Variants in PARD3 observed in about 807,000 individuals in gnomAD.
The protein encoded by PARD3 is par-3 family cell polarity regulator.
A neutral mutation model predicts 155.4 loss-of-function variants in PARD3; 75 were observed. That is an observed-to-expected ratio of 0.48 (90% CI 0.40 to 0.58). The LOEUF (loss-of-function observed/expected upper bound fraction) is 0.58, where lower values mean the gene tolerates loss of function less well. Ranked by LOEUF, PARD3 falls within the 20% of genes least tolerant of loss-of-function variation. The pLI is 0.00. For missense variants in PARD3, 1,642 were observed against 1,721.7 expected, an observed-to-expected ratio of 0.95 and a Z score of 0.82; for synonymous variants, 576 against 610.5, an observed-to-expected ratio of 0.94 and a Z score of 0.83.
In PARD3 at chr10:34,221,544, AC is replaced by A. The variant is rs552781229; in HGVS notation, c.3419+48112del. ...TTTGTGGTGAGAATACTTAAAATCT[AC>A]TCTCTTAGCAATCAGAACTTGCTCT... On this transcript the variant is annotated intron_variant, in intron 22 of 24. Coordinates refer to ENST00000374788, the MANE Select transcript of PARD3 (RefSeq NM_001184785.2). 2.6e-3 allele frequency among the ~76,000 whole-genome samples: 401 copies of A among 151,988 alleles called. 7 individuals carry two copies. Among genetic ancestry groups the A allele is most frequent in the Admixed American group, 0.021 (315 of 15,252 alleles).
intron 22 of PARD3, among the ~76,000 whole-genome samples, chr10:34,186,379 AACCC>A (rs1950497275): frequency 6.8e-6 from 1 of 146,224 alleles, no homozygotes; most frequent in East Asian, 2.0e-4. Flanking sequence ...AAAAAAAAGA[AACCC>A]AGCCTGCCTC....
intron 5 of PARD3, among the ~76,000 whole-genome samples, chr10:34,419,448 C>T (rs576249330): frequency 2.0e-5 from 3 of 152,064 alleles, no homozygotes; most frequent in Non-Finnish European, 2.9e-5. Context: ...ACCCAGCAGG[C>T]GGAGGTTTCA....
rs55681930 is a variant in PARD3 at position 34,227,856 on chromosome 10, T to TTATATATATATATATATATATATATATA, written c.3419+41773_3419+41800dup. ...TATTCCCAGTAATGGGAATTATTTTTTATATATATATATATATATATATAT... is the reference window on the plus strand; with the variant it reads ...TATTCCCAGTAATGGGAATTATTTTTTATATATATATATATATATATATATATATATATATATATATATATATATATAT... On this transcript the variant is annotated intron_variant, in intron 22 of 24. Coordinates refer to ENST00000374788, the MANE Select transcript of PARD3 (RefSeq NM_001184785.2). Among the ~76,000 whole-genome samples, 180 of 82,098 alleles carry TTATATATATATATATATATATATATATA rather than the reference T, an allele frequency of 2.2e-3. 1 individual carries two copies. Among genetic ancestry groups the TTATATATATATATATATATATATATATA allele is most frequent in the Non-Finnish European group, 3.3e-3 (143 of 42,754 alleles). 53.9% of individuals were successfully genotyped at this position (82,098 alleles called of 152,430 possible).
intron 20 of PARD3, among the ~76,000 whole-genome samples, chr10:34,295,372 T>A (rs1956860538): frequency 6.6e-6 from 1 of 150,968 alleles, no homozygotes; most frequent in Admixed American, 6.6e-5. Context: ...AGCGTCCAAA[T>A]ATACAACTTG....
At chr10:34,302,530 T>G (rs1200885900) in intron 20 of PARD3, among the ~76,000 whole-genome samples, 3 of 152,056 alleles carry the variant, frequency 2.0e-5, no homozygotes, top group African/African-American at 7.2e-5. Context: ...AAATTTAGAG[T>G]TTAGGTTCTT....
intron 20 of PARD3, 27 bp downstream of exon 20, chr10:34,317,080 T>C (rs571962677): frequency 6.5e-7 from 1 of 1,528,634 alleles, no homozygotes; most frequent in Admixed American, 2.1e-5. Flanking sequence ...TTTAAGGAGA[T>C]TCTGGTTTGG....
At chr10:34,681,760 ATATATATATTTTTTTTTTT>A (rs2093840131) in intron 2 of PARD3, among the ~76,000 whole-genome samples, 2 of 21,550 alleles carry the variant, frequency 9.3e-5, no homozygotes, top group African/African-American at 2.5e-4. Context: ...ATATATATAT[ATATATATATTTTTTTTTTT>A]TTTTTTTTTT....
chr10:34,269,380 T>A (rs1216971190), intron 22 of PARD3, among the ~76,000 whole-genome samples: 1 of 152,188 alleles, frequency 6.6e-6, no homozygotes, highest in Non-Finnish European at 1.5e-5. Flanking sequence ...TTGCTTTTTA[T>A]TTGAGTTATA....
intron 2 of PARD3, among the ~76,000 whole-genome samples, chr10:34,531,525 C>T (rs149010654): frequency 4.0e-4 from 61 of 152,244 alleles, no homozygotes; most frequent in African/African-American, 1.4e-3. Flanking sequence ...ATCCTGCATC[C>T]ACATAAAAGC....
At position 34,320,385 on chromosome 10, in the gene PARD3, C is replaced by T. The variant is rs573998723; in HGVS notation, c.2834-3047G>A. Among the ~76,000 whole-genome samples, 43 of 152,278 alleles carry T rather than the reference C, an allele frequency of 2.8e-4. 2 individuals are homozygous for T. The South Asian group carries it at 7.0e-3, about 25-fold the overall frequency. The stretch of plus-strand genomic sequence containing the variant: ...GCATCATTTAATAGATTTTACGACC[C>T]TCTACAATGTCTGAAACTATAAACA... On this transcript the variant is annotated intron_variant, in intron 19 of 24. Coordinates refer to ENST00000374788, the MANE Select transcript of PARD3 (RefSeq NM_001184785.2).
chr10:34,401,196 T>C (rs2132194384), intron 6 of PARD3, among the ~76,000 whole-genome samples: 1 of 152,188 alleles, frequency 6.6e-6, no homozygotes, highest in Non-Finnish European at 1.5e-5. Flanking sequence ...AGGAAAGAAG[T>C]CCTGAGAATG....
chr10:34,174,698 A>C (rs1182099206), intron 22 of PARD3, among the ~76,000 whole-genome samples: 1 of 152,236 alleles, frequency 6.6e-6, no homozygotes, highest in Non-Finnish European at 1.5e-5. Context: ...GAATTCTATG[A>C]GTCTACAGAG....
At chr10:34,533,928 T>A (rs1306392124) in intron 2 of PARD3, among the ~76,000 whole-genome samples, 1 of 152,148 alleles carries the variant, frequency 6.6e-6, no homozygotes, top group Non-Finnish European at 1.5e-5. Context: ...TGCAATTCTA[T>A]CTGTTGGCAA....
chr10:34,174,259 A>G (rs1949936793), intron 22 of PARD3, among the ~76,000 whole-genome samples: 1 of 152,182 alleles, frequency 6.6e-6, no homozygotes, highest in Non-Finnish European at 1.5e-5. Context: ...AGAATTAACA[A>G]CTATATGCAT....
In PARD3 at chr10:34,182,994, A is replaced by T. The variant is rs533240228; in HGVS notation, c.3420-51411T>A. ...GATAAGCAGACTGGGGAAACAAAAA[A>T]TACATGATAGAGAAGAAAGAAAGTA... is the stretch of plus-strand genomic sequence containing the variant. On this transcript the variant is annotated intron_variant, in intron 22 of 24. Transcript: ENST00000374788. 6.6e-5 allele frequency among the ~76,000 whole-genome samples: 10 copies of T among 152,350 alleles called. No individual in the cohort carries two copies. The East Asian group carries it at 1.7e-3, about 26-fold the overall frequency.
chr10:34,519,665 T>C (rs1037101266), intron 2 of PARD3, among the ~76,000 whole-genome samples: 6 of 151,750 alleles, frequency 4.0e-5, no homozygotes, highest in Non-Finnish European at 7.4e-5. Context: ...ACATAAAAAA[T>C]TAGCCAGGTG....
chr10:34,134,965 T>C (rs1947815035), intron 22 of PARD3, among the ~76,000 whole-genome samples: 1 of 152,198 alleles, frequency 6.6e-6, no homozygotes, highest in African/African-American at 2.4e-5. Flanking sequence ...AAGGAAATTT[T>C]AAATATTCAT....
intron 2 of PARD3, among the ~76,000 whole-genome samples, chr10:34,627,646 G>A (rs183092624): frequency 4.6e-5 from 7 of 152,280 alleles, no homozygotes; most frequent in Non-Finnish European, 8.8e-5. Flanking sequence ...CCGAAGCCAG[G>A]AACAGGCATG....
chr10:34,246,309 C>A (rs887461708), intron 22 of PARD3, among the ~76,000 whole-genome samples: 5 of 152,170 alleles, frequency 3.3e-5, no homozygotes, highest in Non-Finnish European at 5.9e-5. Flanking sequence ...CTATAAGCAA[C>A]TAGAAAACTA....
Sources: allele counts gnomAD v4.1 joint callset (sites outside exome capture counted in the v4.1 genomes callset), GRCh38; gene constraint gnomAD v4.1.1; transcripts MANE v1.5; gene names NCBI Gene and HGNC (gene_info 2026-07-23, HGNC 2026-07-21).